LATS1: variants seen among roughly 807,000 people sequenced by gnomAD.
The protein encoded by LATS1 is serine/threonine-protein kinase LATS1.
In LATS1, 25 loss-of-function variants were observed where a neutral mutation model predicts 106.6. That is an observed-to-expected ratio of 0.23 (90% CI 0.17 to 0.33). The LOEUF is 0.33. LATS1 is among the 10% of genes least tolerant of loss of function. The probability of loss-of-function intolerance (pLI) is 1.00; values close to 1 mark genes in which losing one functional copy is unlikely to be tolerated. For missense variants in LATS1, 1,040 were observed against 1,382.6 expected, an observed-to-expected ratio of 0.75 and a Z score of 3.93; for synonymous variants, 465 against 455.6, an observed-to-expected ratio of 1.02 and a Z score of -0.26.
intron 5 of LATS1, among the ~76,000 whole-genome samples, chr6:149,676,941 T>TA (rs1265563503): frequency 1.3e-5 from 2 of 151,930 alleles, no homozygotes; most frequent in African/African-American, 4.8e-5. Flanking sequence ...ATTTTACACT[T>TA]AAAAAAAATT....
intron 7 of LATS1, 122 bp from the exon 8 acceptor site, chr6:149,662,360 T>C: frequency 2.2e-6 from 2 of 900,806 alleles, no homozygotes; most frequent in Non-Finnish European, 3.3e-6. Context: ...ACATGATATT[T>C]TGCTGGAAAA....
At chr6:149,676,428 AT>A (rs1781727219) in intron 6 of LATS1, 62 bp from the exon 7 acceptor site, 2 of 1,378,470 alleles carry the variant, frequency 1.5e-6, no homozygotes, top group Admixed American at 2.0e-5. Flanking sequence ...AAAAATTAAC[AT>A]TAAATCACCA....
At chr6:149,682,933 A>G (rs926993716) in intron 4 of LATS1, 146 bp downstream of exon 4, 6 of 647,298 alleles carry the variant, frequency 9.3e-6, no homozygotes, top group African/African-American at 7.4e-5. Context: ...AAGTACTTTA[A>G]TATTTATTCA....
intron 3 of LATS1, among the ~76,000 whole-genome samples, chr6:149,686,637 C>T (rs1782389141): frequency 1.3e-5 from 2 of 152,146 alleles, no homozygotes. Context: ...ATAACCTGGC[C>T]TAAAGATGGG....
intron 4 of LATS1, among the ~76,000 whole-genome samples, chr6:149,681,627 G>C (rs768329682): frequency 6.6e-6 from 1 of 152,176 alleles, no homozygotes; most frequent in African/African-American, 2.4e-5. Flanking sequence ...ATAAGTCATA[G>C]AAATTATTAT....
Position 149,676,347 on chromosome 6 carries a change from A to G in LATS1, c.2796T>C (p.Asp932=), listed in dbSNP as rs1159669046. 1.2e-6 allele frequency: 2 copies of G among 1,611,602 alleles called. No homozygotes were observed. The highest frequency in any genetic ancestry group is 8.5e-7 in the Non-Finnish European group (1 of 1,177,748). The part of the protein sequence containing the change: ...LLRTGYTQLC[D]WWSVGVILFE... ...AAAGAATAACACCAACACTCCACCAATCACACAACTGTGTGTATCCTAAAA... is the reference window on the plus strand; with the variant it reads ...AAAGAATAACACCAACACTCCACCAGTCACACAACTGTGTGTATCCTAAAA... The change falls in exon 7 of 8, where the codon GAT becomes GAC. Residue 932 remains aspartate (D), a synonymous_variant. Coordinates refer to ENST00000543571, the MANE Select transcript of LATS1 (RefSeq NM_004690.4).
intron 7 of LATS1, among the ~76,000 whole-genome samples, chr6:149,665,289 G>C (rs1440218666): frequency 6.6e-6 from 1 of 152,184 alleles, no homozygotes; most frequent in Non-Finnish European, 1.5e-5. Flanking sequence ...TTGAACCCAG[G>C]TGGCAGAGGT....
chr6:149,680,103 C>G lies in LATS1; in HGVS notation c.2365G>C (p.Asp789His), dbSNP rs750318192. The G allele has an allele frequency of 1.2e-6, 2 of 1,613,258 alleles. No homozygotes were observed. The highest frequency in any genetic ancestry group is 2.7e-5 in the African/African-American group (2 of 74,896). ...ATTCTAATTAATAGGCTCATCATAT[C>G]ACCCCCAGGAATGTAGTCCATTACA... The part of the protein sequence containing the change: ...YFVMDYIPGG[D>H]MMSLLIRMGI... The change falls in exon 5 of 8, where the codon GAT becomes CAT. Residue 789 changes from aspartate to histidine, a missense_variant. This residue lies in a region of LATS1 where 167 missense variants were observed against 332.1 expected (regional missense o/e 0.50). Transcript: ENST00000543571.
At chr6:149,716,493 G>C (rs947040803) in intron 1 of LATS1, 5 of 151,956 alleles carry the variant, frequency 3.3e-5, no homozygotes, top group African/African-American at 9.7e-5. Flanking sequence ...ATCTCCCATT[G>C]ATGTAAATAA....
At position 149,702,033 on chromosome 6, in the gene LATS1, G is replaced by A; in HGVS notation, c.94C>T (p.Gln32Ter). The A allele has an allele frequency of 6.2e-7, 1 of 1,614,114 alleles. No individual in the cohort carries two copies. Among genetic ancestry groups the A allele is most frequent in the Non-Finnish European group, 8.5e-7 (1 of 1,180,002 alleles). Reference protein sequence around the residue: ...NYTVSSRQMLQEIRESLRNLS... With the variant: ...NYTVSSRQML ...TTCCTAAGGGATTCCCGAATTTCTT[G>A]TAACATTTGCCGGCTACTGACAGTA... The change falls in exon 2 of 8, where the codon CAA (glutamine) becomes TAA (stop). Residue 32 changes from glutamine (Q) to a stop codon, truncating the protein, a stop_gained. Transcript: ENST00000543571. LOFTEE classifies it high-confidence loss of function.
At chr6:149,672,906 T>C (rs968361669) in intron 7 of LATS1, among the ~76,000 whole-genome samples, 1 of 151,896 alleles carries the variant, frequency 6.6e-6, no homozygotes, top group African/African-American at 2.4e-5. Context: ...ATAGCACCAT[T>C]GCACTCCAGT....
intron 4 of LATS1, among the ~76,000 whole-genome samples, chr6:149,681,254 C>T (rs1007758443): frequency 6.6e-6 from 1 of 152,066 alleles, no homozygotes; most frequent in East Asian, 1.9e-4. Context: ...AAGGGAGAAA[C>T]ATTTTGGCTA....
rs754312046 is a variant in LATS1, at chr6:149,662,193, G to A, written c.2929C>T (p.Leu977Phe). 3.1e-6 allele frequency: 5 copies of A among 1,612,964 alleles called. No individual in the cohort carries two copies. The Admixed American group carries it at 8.3e-5, about 27-fold the overall frequency. The change falls in exon 8 of 8, where the codon CTC (leucine) becomes TTC (phenylalanine). Residue 977 changes from leucine to phenylalanine, a missense_variant. Around this residue, in one of 7 missense-constraint regions of LATS1, gnomAD observed 113 missense variants for 146.3 expected, o/e 0.77. Coordinates refer to ENST00000543571, the MANE Select transcript of LATS1 (RefSeq NM_004690.4). ...TSLHIPPQAK[L>F]SPEASDLIIK... Reference sequence around the variant, plus strand: ...ATAAGATCAGAAGCTTCAGGACTGAGTTTAGCTTGTGGTGGAATGTGAAGA... The same window carrying A: ...ATAAGATCAGAAGCTTCAGGACTGAATTTAGCTTGTGGTGGAATGTGAAGA...
intron 7 of LATS1, among the ~76,000 whole-genome samples, chr6:149,668,429 T>C (rs1781274097): frequency 6.9e-6 from 1 of 145,872 alleles, no homozygotes; most frequent in Non-Finnish European, 1.5e-5. Context: ...TAAATGACTA[T>C]TCTTCTCATC....
At position 149,687,493 on chromosome 6, in the gene LATS1, G is replaced by A. The variant is rs568521749; in HGVS notation, c.497-2901C>T. On this transcript the variant is annotated intron_variant, in intron 3 of 7. Transcript: ENST00000543571. ...CACCCAGGCTGGAGGGCAGTGGCAT[G>A]ATCATGAATCACTGCAGCCTTGAAC... is the stretch of plus-strand genomic sequence containing the variant. 2.0e-5 allele frequency among the ~76,000 whole-genome samples: 3 copies of A among 152,046 alleles called. No individual in the cohort carries two copies. The South Asian group carries it at 6.2e-4, about 32-fold the overall frequency.
intron 3 of LATS1, among the ~76,000 whole-genome samples, chr6:149,690,209 TTTTC>T (rs1782656030): frequency 7.2e-6 from 1 of 138,742 alleles, no homozygotes; most frequent in Non-Finnish European, 1.5e-5. Context: ...TCTTTTCTTT[TTTTC>T]TTTTTTTTTT....
chr6:149,709,659 AC>A (rs1783978955), intron 1 of LATS1, among the ~76,000 whole-genome samples: 1 of 133,870 alleles, frequency 7.5e-6, no homozygotes, highest in South Asian at 2.4e-4. Flanking sequence ...GGTCTCCACA[AC>A]CCCTTATCTT....
At chr6:149,707,379 G>A (rs1054767087) in intron 1 of LATS1, among the ~76,000 whole-genome samples, 2 of 152,092 alleles carry the variant, frequency 1.3e-5, no homozygotes, top group African/African-American at 2.4e-5. Context: ...GGGGGTTTAC[G>A]CCTGTAATCC....
chr6:149,713,713 G>A (rs561361493), intron 1 of LATS1, among the ~76,000 whole-genome samples: 14 of 151,634 alleles, frequency 9.2e-5, no homozygotes, highest in South Asian at 6.2e-4. Context: ...AGGTTGGAGT[G>A]CAATGGCGTG....
Sources: allele counts gnomAD v4.1 joint callset (sites outside exome capture counted in the v4.1 genomes callset), GRCh38; gene constraint gnomAD v4.1.1; regional missense constraint gnomAD v4.1.1; transcripts MANE v1.5; gene names NCBI Gene and HGNC (gene_info 2026-07-23, HGNC 2026-07-21).